Variants in PCDH10 observed in about 807,000 individuals in gnomAD.
The protein encoded by PCDH10 is protocadherin 10.
PCDH10 carries 15 observed loss-of-function variants against 74.4 expected under a neutral mutation model. The ratio of observed to expected loss-of-function variants is 0.20; its 90% CI spans 0.13 to 0.31. The LOEUF is 0.31. Ranked by LOEUF, PCDH10 falls within the 10% of genes least tolerant of loss-of-function variation. The pLI is 1.00. For synonymous variants in PCDH10, 619 were observed against 589.8 expected (o/e 1.05, Z -0.72); for missense variants, 1,260 against 1,390.2 (o/e 0.91, Z 1.49).
At chr4:133,168,782 A>C (rs1445144750) in intron 4 of PCDH10, among the ~76,000 whole-genome samples, 1 of 151,662 alleles carries the variant, frequency 6.6e-6, no homozygotes, top group East Asian at 1.9e-4. Context: ...AGTATGCAAA[A>C]TTTCATTAAT....
intron 2 of PCDH10, among the ~76,000 whole-genome samples, chr4:133,199,898 C>A (rs956256196): frequency 2.0e-5 from 3 of 150,766 alleles, no homozygotes; most frequent in Non-Finnish European, 4.4e-5. Context: ...CCCGAGTTCA[C>A]GCCATTCTGC....
intron 3 of PCDH10, among the ~76,000 whole-genome samples, chr4:133,161,236 A>T (rs1056550646): frequency 6.6e-6 from 1 of 152,194 alleles, no homozygotes; most frequent in African/African-American, 2.4e-5. Flanking sequence ...GAAATATTAT[A>T]ATCAAAGTCA....
intron 4 of PCDH10, among the ~76,000 whole-genome samples, chr4:133,183,055 T>C (rs1727448898): frequency 6.6e-6 from 1 of 152,076 alleles, no homozygotes; most frequent in African/African-American, 2.4e-5. Flanking sequence ...TTACTCTGTG[T>C]TTTTAGATAT....
chr4:133,151,022 G>T lies in PCDH10; in HGVS notation c.882G>T (p.Ser294=), dbSNP rs1726668308. The change falls in exon 1 of 5, where the codon TCG becomes TCT. Residue 294 remains serine, a synonymous_variant. Coordinates refer to ENST00000264360, the MANE Select transcript of PCDH10 (RefSeq NM_032961.3). ...EVVYSFSSHI[S]PRARELFGLS... is the part of the protein sequence containing the mutation. ...TGTACTCCTTCAGCAGCCACATTTC[G>T]CCCCGGGCGCGGGAGCTTTTCGGAC... 1 of 1,613,732 alleles carries T rather than the reference G, an allele frequency of 6.2e-7. No individual in the cohort carries two copies. The highest frequency in any genetic ancestry group is 2.2e-5 in the East Asian group (1 of 44,856).
At chr4:133,186,740 C>A (rs976618667) in intron 4 of PCDH10, among the ~76,000 whole-genome samples, 2 of 152,012 alleles carry the variant, frequency 1.3e-5, no homozygotes, top group Non-Finnish European at 2.9e-5. Context: ...TTTTTTGAGG[C>A]AGAGCCTTGC....
chr4:133,189,829 A>C (rs2125873664), intron 4 of PCDH10, among the ~76,000 whole-genome samples: 1 of 152,228 alleles, frequency 6.6e-6, no homozygotes, highest in South Asian at 2.1e-4. Flanking sequence ...TCTGTGCATA[A>C]ATAGTGAAGT....
intron 4 of PCDH10, among the ~76,000 whole-genome samples, chr4:133,175,077 A>G (rs531980886): frequency 5.3e-5 from 8 of 152,070 alleles, no homozygotes; most frequent in Admixed American, 2.0e-4. Context: ...TATCCAATAT[A>G]GAGAAAGATT....
rs558131743 is a variant in PCDH10 at position 133,154,872 on chromosome 4, T to C, written c.2691-45T>C. On this transcript the variant is annotated intron_variant, in intron 2 of 4. Transcript: ENST00000264360. ...GGTGGCAGAAGAATGTTTTCTGTGTTTCTTCACCTTTTTTATTCTAATATT... is the reference window on the plus strand; with the variant it reads ...GGTGGCAGAAGAATGTTTTCTGTGTCTCTTCACCTTTTTTATTCTAATATT... The C allele has an allele frequency of 1.6e-4, 205 of 1,308,772 alleles. 3 individuals carry two copies. The South Asian group carries it at 2.2e-3, about 14-fold the overall frequency. The allele number at this position is 1,308,772 out of a possible 1,614,324, so 81.1% of individuals were successfully genotyped here. A position where few individuals can be genotyped will look rare whatever the true frequency, so the allele number is the denominator to read the frequency against.
In PCDH10 at chr4:133,163,288, T is replaced by C. The variant is rs771939735; in HGVS notation, c.3103+6T>C. The C allele has an allele frequency of 1.3e-5, 20 of 1,597,610 alleles. No homozygotes were observed. The highest frequency in any genetic ancestry group is 1.6e-5 in the Non-Finnish European group (19 of 1,169,958). On this transcript the variant is annotated splice_donor_region_variant and intron_variant, in intron 4 of 4. Coordinates refer to ENST00000264360, the MANE Select transcript of PCDH10 (RefSeq NM_032961.3). Reference sequence around the variant, plus strand: ...TTACAAACCACCATATTTGAGTAAGTATTACACAAAGGGCTCTGTTAAAGT... The same window carrying C: ...TTACAAACCACCATATTTGAGTAAGCATTACACAAAGGGCTCTGTTAAAGT...
downstream of PCDH10, among the ~76,000 whole-genome samples, chr4:133,197,833 G>T (rs994835579): frequency 2.0e-5 from 3 of 152,028 alleles, no homozygotes; most frequent in Non-Finnish European, 1.5e-5. Context: ...TGTTGGCATG[G>T]TGAATTGTGT....
intron 4 of PCDH10, among the ~76,000 whole-genome samples, chr4:133,168,964 T>C (rs1160350214): frequency 6.6e-6 from 1 of 151,794 alleles, no homozygotes. Flanking sequence ...ATTCAAGCTA[T>C]TGAAATGCAC....
intron 1 of PCDH10, chr4:133,153,037 C>T (rs372719004): frequency 1.4e-6 from 2 of 1,416,408 alleles, no homozygotes; most frequent in Non-Finnish European, 9.2e-7. Context: ...GCTCTTCCAT[C>T]CTGTCAGTCC....
intron 4 of PCDH10, among the ~76,000 whole-genome samples, chr4:133,173,182 T>A (rs1160578500): frequency 2.0e-5 from 3 of 151,930 alleles, no homozygotes; most frequent in African/African-American, 7.2e-5. Context: ...AAATTTTAAA[T>A]AGAGTAAAGA....
At chr4:133,173,441 C>T (rs1727236598) in intron 4 of PCDH10, among the ~76,000 whole-genome samples, 1 of 151,926 alleles carries the variant, frequency 6.6e-6, no homozygotes, top group African/African-American at 2.4e-5. Flanking sequence ...GGTTCTTGCT[C>T]CTGAGGGATA....
At chr4:133,167,562 T>C (rs924134997) in intron 4 of PCDH10, among the ~76,000 whole-genome samples, 6 of 151,538 alleles carry the variant, frequency 4.0e-5, no homozygotes, top group Non-Finnish European at 8.9e-5. Flanking sequence ...CTTGCTTTCA[T>C]ATAGGCCCAT....
chr4:133,184,713 ATTTG>A (rs1022631946), intron 4 of PCDH10, among the ~76,000 whole-genome samples: 45 of 144,422 alleles, frequency 3.1e-4, no homozygotes, highest in Non-Finnish European at 5.4e-4. Context: ...ATATATTTAT[ATTTG>A]TTTACATATA....
At position 133,162,938 on chromosome 4, in the gene PCDH10, G is replaced by A. The variant is rs759547459; in HGVS notation, c.2798-39G>A. ...CACTGCTAAGTAACTGGTCATGTTG[G>A]TGAAGACTACATCCGTAGTTTCTGT... On this transcript the variant is annotated intron_variant, in intron 3 of 4. Coordinates refer to ENST00000264360, the MANE Select transcript of PCDH10 (RefSeq NM_032961.3). The A allele has an allele frequency of 2.2e-5, 34 of 1,527,352 alleles. No homozygotes were observed. The South Asian group carries it at 3.3e-4, about 15-fold the overall frequency. The allele number at this position is 1,527,352 out of a possible 1,614,324, so 94.6% of individuals were successfully genotyped here. A position where few individuals can be genotyped will look rare whatever the true frequency, so the allele number is the denominator to read the frequency against.
chr4:133,151,763 T>C lies in PCDH10; in HGVS notation c.1623T>C (p.Phe541=). The C allele has an allele frequency of 6.2e-7, 1 of 1,613,126 alleles. No homozygotes were observed. Among genetic ancestry groups the C allele is most frequent in the Non-Finnish European group, 8.5e-7 (1 of 1,180,048 alleles). Residue 541 remains phenylalanine, a synonymous_variant, in exon 1 of 5, where the codon TTT becomes TTC. Coordinates refer to ENST00000264360, the MANE Select transcript of PCDH10 (RefSeq NM_032961.3). ...FDYEQLKDFS[F]QVEARDAGSP... ...ATGAGCAGCTGAAGGACTTCAGTTTTCAGGTGGAAGCCCGGGACGCTGGCA... is the reference window on the plus strand; with the variant it reads ...ATGAGCAGCTGAAGGACTTCAGTTTCCAGGTGGAAGCCCGGGACGCTGGCA...
intron 2 of PCDH10, among the ~76,000 whole-genome samples, chr4:133,203,397 G>A (rs1413232848): frequency 6.6e-6 from 1 of 152,026 alleles, no homozygotes; most frequent in South Asian, 2.1e-4. Flanking sequence ...TTATCATAAA[G>A]GTTAGGGGCC....
Sources: gnomAD v4.1 joint callset for allele counts (sites outside exome capture counted in the v4.1 genomes callset) on GRCh38, gnomAD v4.1.1 for gene constraint, MANE v1.5 for transcripts, NCBI Gene and HGNC (gene_info 2026-07-23, HGNC 2026-07-21) for gene names.